RUNX1: variants seen among roughly 807,000 people sequenced by gnomAD.
RUNX1 encodes the protein RUNX family transcription factor 1.
In RUNX1, 19 loss-of-function variants were observed where a neutral mutation model predicts 42.8. That is an observed-to-expected ratio of 0.44 (90% CI 0.31 to 0.65). RUNX1 has a LOEUF of 0.65. Among genes scored for constraint, RUNX1 ranks in the 30% least tolerant of loss-of-function variants. The pLI is 0.07. For synonymous variants in RUNX1, 271 were observed against 289.4 expected (o/e 0.94, Z 0.64); for missense variants, 528 against 672.0 (o/e 0.79, Z 2.37).
chr21:34,875,435 G>A (rs1189517877), intron 5 of RUNX1, among the ~76,000 whole-genome samples: 1 of 152,128 alleles, frequency 6.6e-6, no homozygotes, highest in Non-Finnish European at 1.5e-5. Context: ...ATATTTGCTT[G>A]CAATGAGATC....
chr21:34,792,162 C>A lies in RUNX1; in HGVS notation c.1416G>T (p.Leu472=). The part of the protein sequence containing the change: ...SPTNMAPSAR[L]EEAVWRPY Reference sequence around the variant, plus strand: ...AGTAGGGCCTCCACACGGCCTCCTCCAGGCGCGCGGAGGGCGCCATGTTGG... The same window carrying A: ...AGTAGGGCCTCCACACGGCCTCCTCAAGGCGCGCGGAGGGCGCCATGTTGG... Residue 472 remains leucine, a synonymous_variant, in exon 9 of 9, where the codon CTG becomes CTT. Transcript: ENST00000675419. This position sits in a 1 kb window ranked among gnomAD's most constrained non-coding sequence, Gnocchi z 6.9. 1 of 1,515,962 alleles carries A rather than the reference C, an allele frequency of 6.6e-7. No homozygotes were observed. Among genetic ancestry groups the A allele is most frequent in the Non-Finnish European group, 8.8e-7 (1 of 1,139,018 alleles). The allele number at this position is 1,515,962 out of a possible 1,614,324, so 93.9% of individuals were successfully genotyped here.
intron 4 of RUNX1, among the ~76,000 whole-genome samples, chr21:34,884,883 T>A (rs1296994326): frequency 6.6e-6 from 1 of 152,212 alleles, no homozygotes; most frequent in East Asian, 1.9e-4. Flanking sequence ...AGATTATCAC[T>A]CAATAAAACA....
chr21:34,923,629 G>A (rs1468492538), intron 2 of RUNX1, among the ~76,000 whole-genome samples: 2 of 152,176 alleles, frequency 1.3e-5, no homozygotes, highest in Non-Finnish European at 2.9e-5. Context: ...CTGAACTTGT[G>A]GCTGACCCCA....
intron 2 of RUNX1, among the ~76,000 whole-genome samples, chr21:34,912,227 G>C (rs56179480): frequency 0.015 from 2,165 of 148,414 alleles, 46 homozygotes; most frequent in African/African-American, 0.051. Flanking sequence ...AGGCATCCTA[G>C]ATCTCAGAGC....
intron 2 of RUNX1, among the ~76,000 whole-genome samples, chr21:34,930,108 A>T (rs1048585992): frequency 2.7e-5 from 4 of 145,598 alleles, no homozygotes; most frequent in Non-Finnish European, 6.0e-5. Context: ...AAATAAATAT[A>T]TATATTTGAA....
chr21:34,959,179 A>G (rs982198172), intron 2 of RUNX1, among the ~76,000 whole-genome samples: 1 of 152,024 alleles, frequency 6.6e-6, no homozygotes, highest in African/African-American at 2.4e-5. Flanking sequence ...GTGCACATGT[A>G]CCCTAAAACT....
At chr21:34,888,601 A>G in intron 3 of RUNX1, 1 of 1,058,434 alleles carries the variant, frequency 9.4e-7, no homozygotes, top group Non-Finnish European at 1.1e-6. Context: ...CCCGGAAAGA[A>G]GTGCCTGGCG....
intron 7 of RUNX1, among the ~76,000 whole-genome samples, chr21:34,809,463 A>G (rs536532726): frequency 6.6e-6 from 1 of 152,062 alleles, no homozygotes; most frequent in East Asian, 1.9e-4. Context: ...GGAAGCTTCA[A>G]GCAGAAGAGG....
At chr21:34,831,074 T>TACC (rs2057056747) in intron 7 of RUNX1, among the ~76,000 whole-genome samples, 2 of 152,218 alleles carry the variant, frequency 1.3e-5, no homozygotes, top group African/African-American at 4.8e-5. Context: ...CAGGCATCGG[T>TACC]ACCACTAGCT....
intron 7 of RUNX1, among the ~76,000 whole-genome samples, chr21:34,811,130 CTT>C (rs1034557763): frequency 1.3e-4 from 20 of 152,228 alleles, no homozygotes; most frequent in African/African-American, 4.8e-4. Flanking sequence ...ATTCACTGCT[CTT>C]TGTCTTGTGA....
In RUNX1 at chr21:34,944,010, C is replaced by CT. The variant is rs925756234; in HGVS notation, c.59-51048dup. Among the ~76,000 whole-genome samples, 16 of 151,870 alleles carry CT rather than the reference C, an allele frequency of 1.1e-4. 1 individual carries two copies. The East Asian group carries it at 1.7e-3, about 17-fold the overall frequency. On this transcript the variant is annotated intron_variant, in intron 2 of 8. Transcript: ENST00000675419. ...CTTGTGCTTACTATAGCCCTCAAGA[C>CT]TTTTTTTTACTTTTTAAAGATGAGG...
At chr21:34,904,122 A>G (rs1324077124) in intron 2 of RUNX1, among the ~76,000 whole-genome samples, 1 of 152,172 alleles carries the variant, frequency 6.6e-6, no homozygotes, top group African/African-American at 2.4e-5. Flanking sequence ...CCTCTCAAAC[A>G]ATAGTTAAGT....
At chr21:34,887,598 C>T (rs764435721) in intron 3 of RUNX1, 21 of 1,093,630 alleles carry the variant, frequency 1.9e-5, no homozygotes, top group Non-Finnish European at 2.1e-5. Context: ...ACAATTATCT[C>T]CCGTAACAAG....
chr21:35,000,152 G>A (rs574603494), intron 2 of RUNX1, among the ~76,000 whole-genome samples: 4 of 151,996 alleles, frequency 2.6e-5, no homozygotes, highest in African/African-American at 7.2e-5. Context: ...TCAAGGAAGA[G>A]GTGTTATAAT....
chr21:34,792,108 G>T lies in RUNX1; in HGVS notation c.*27C>A, dbSNP rs13051066. 560,371 of 1,333,396 alleles carry T rather than the reference G, an allele frequency of 0.42. 119,963 individuals carry two copies. The highest frequency in any genetic ancestry group is 0.45 in the South Asian group (24,745 of 54,696). The allele number at this position is 1,333,396 out of a possible 1,614,324, so 82.6% of individuals were successfully genotyped here. A position where few individuals can be genotyped will look rare whatever the true frequency, so the allele number is the denominator to read the frequency against. On this transcript the variant is annotated 3_prime_UTR_variant, in exon 9 of 9. Transcript: ENST00000675419. The surrounding 1 kb of genome is among the most constrained non-coding windows in gnomAD (Gnocchi z 6.9). Reference sequence around the variant, plus strand: ...CCGGAGGCGAAGGCGGCGGCCCGCGGGGCCCAGCCGGGCCAGGCCTGGCGC... The same window carrying T: ...CCGGAGGCGAAGGCGGCGGCCCGCGTGGCCCAGCCGGGCCAGGCCTGGCGC...
At chr21:35,004,754 G>A (rs2059071462) in intron 2 of RUNX1, among the ~76,000 whole-genome samples, 1 of 152,078 alleles carries the variant, frequency 6.6e-6, no homozygotes, top group South Asian at 2.1e-4. Context: ...TTCAACTTTC[G>A]GGCTCACAAG....
At chr21:34,859,737 C>G (rs2057544950) in intron 5 of RUNX1, among the ~76,000 whole-genome samples, 159 bp from the exon 6 acceptor site, 1 of 152,336 alleles carries the variant, frequency 6.6e-6, no homozygotes, top group South Asian at 2.1e-4. Flanking sequence ...TTCTGGAATA[C>G]ACACCTATGA....
intron 2 of RUNX1, among the ~76,000 whole-genome samples, chr21:35,012,630 G>A (rs2059133868): frequency 6.6e-6 from 1 of 152,148 alleles, no homozygotes; most frequent in Non-Finnish European, 1.5e-5. Flanking sequence ...ATGGACATAT[G>A]ACATAGGACA....
intron 6 of RUNX1, among the ~76,000 whole-genome samples, chr21:34,839,188 A>G (rs1246750586): frequency 1.3e-5 from 2 of 152,082 alleles, no homozygotes; most frequent in Non-Finnish European, 2.9e-5. Flanking sequence ...CCAATCTCAC[A>G]CGGCCAGTTA....
Sources: allele counts gnomAD v4.1 joint callset (sites outside exome capture counted in the v4.1 genomes callset), GRCh38; gene constraint gnomAD v4.1.1; non-coding constraint Gnocchi (gnomAD v3.1); transcripts MANE v1.5; gene names NCBI Gene and HGNC (gene_info 2026-07-23, HGNC 2026-07-21).